SDK1: variants seen among roughly 807,000 people sequenced by gnomAD.
SDK1 encodes the protein protein sidekick-1.
A neutral mutation model predicts 245.5 loss-of-function variants in SDK1; 157 were observed. The ratio of observed to expected loss-of-function variants is 0.64; its 90% CI spans 0.56 to 0.73. The LOEUF (loss-of-function observed/expected upper bound fraction) is 0.73, where lower values mean the gene tolerates loss of function less well. Ranked by LOEUF, SDK1 falls within the 30% of genes least tolerant of loss-of-function variation. SDK1 has a pLI of 0.00. For synonymous variants in SDK1, 1,647 were observed against 1,278.5 expected (o/e 1.29, Z -6.15); for missense variants, 3,583 against 3,002.3 (o/e 1.19, Z -4.52).
chr7:3,882,052 A>G (rs1211327792), intron 5 of SDK1, among the ~76,000 whole-genome samples: 1 of 152,198 alleles, frequency 6.6e-6, no homozygotes, highest in Non-Finnish European at 1.5e-5. Flanking sequence ...CGGAAGGCAA[A>G]AGGCACGTCT....
chr7:4,062,292 C>T (rs545007174), intron 19 of SDK1, among the ~76,000 whole-genome samples: 1 of 151,976 alleles, frequency 6.6e-6, no homozygotes, highest in East Asian at 1.9e-4. Context: ...TAACTGATAC[C>T]ACAGAAATAC....
intron 7 of SDK1, among the ~76,000 whole-genome samples, chr7:3,954,268 CCTCTCCCGCAT>C (rs1487038864): frequency 8.3e-5 from 9 of 108,230 alleles, no homozygotes; most frequent in Non-Finnish European, 1.2e-4. Flanking sequence ...TCTACACCCT[CCTCTCCCGCAT>C]CACCTCTACA....
intron 1 of SDK1, among the ~76,000 whole-genome samples, chr7:3,594,831 A>G (rs1399330128): frequency 6.6e-6 from 1 of 152,204 alleles, no homozygotes; most frequent in Non-Finnish European, 1.5e-5. Flanking sequence ...GGCAAGAGTG[A>G]GGATAGTTTT....
chr7:3,311,096 G>A (rs1346240061), intron 1 of SDK1, among the ~76,000 whole-genome samples: 1 of 152,090 alleles, frequency 6.6e-6, no homozygotes, highest in African/African-American at 2.4e-5. Context: ...AGTAGAGTGG[G>A]GAGTATGGAC....
At chr7:3,392,986 T>TTTTG (rs1781799167) in intron 1 of SDK1, among the ~76,000 whole-genome samples, 1 of 147,990 alleles carries the variant, frequency 6.8e-6, no homozygotes, top group Non-Finnish European at 1.5e-5. Flanking sequence ...TTTTTCTTTT[T>TTTTG]TGAGATGGAG....
chr7:3,686,278 G>C (rs1259174078), intron 4 of SDK1, among the ~76,000 whole-genome samples: 1 of 152,166 alleles, frequency 6.6e-6, no homozygotes, highest in Admixed American at 6.5e-5. Flanking sequence ...GTTTCACCAT[G>C]TTGGTCAGGC....
intron 4 of SDK1, among the ~76,000 whole-genome samples, chr7:3,799,273 A>G (rs575387812): frequency 1.8e-4 from 28 of 152,210 alleles, no homozygotes; most frequent in Non-Finnish European, 1.8e-4. Flanking sequence ...CTGGAAAGAA[A>G]TAGTATCTTT....
chr7:3,629,988 T>C (rs575868178), intron 2 of SDK1, among the ~76,000 whole-genome samples: 3 of 152,296 alleles, frequency 2.0e-5, no homozygotes, highest in African/African-American at 7.2e-5. Flanking sequence ...AAAACTATAA[T>C]GTGTGAGATA....
intron 5 of SDK1, among the ~76,000 whole-genome samples, chr7:3,907,578 C>A (rs186106771): frequency 2.6e-5 from 4 of 152,140 alleles, no homozygotes; most frequent in Non-Finnish European, 5.9e-5. Context: ...AGTGAACATT[C>A]GTGTACAAGT....
chr7:3,344,029 A>C (rs986173116), intron 1 of SDK1, among the ~76,000 whole-genome samples: 2 of 151,832 alleles, frequency 1.3e-5, no homozygotes, highest in East Asian at 1.9e-4. Flanking sequence ...AAAAAAAAAA[A>C]AAAAAAACTA....
In SDK1 at chr7:3,325,905, C is replaced by G. The variant is rs189033307; in HGVS notation, c.298+24021C>G. ...TGACTAGGCTGCCTGAATCAAACAT[C>G]CTCCCCTTTGAGAGGCCTAGGAAAG... On this transcript the variant is annotated intron_variant, in intron 1 of 44. Coordinates refer to ENST00000404826, the MANE Select transcript of SDK1 (RefSeq NM_152744.4). Among the ~76,000 whole-genome samples the G allele has an allele frequency of 8.4e-5, 12 of 143,234 alleles. No individual in the cohort carries two copies. In the South Asian group the frequency reaches 2.7e-3, roughly 32 times the overall value. The allele number at this position is 143,234 out of a possible 152,430, so 94.0% of individuals were successfully genotyped here.
At chr7:3,452,820 A>G (rs1396786702) in intron 1 of SDK1, among the ~76,000 whole-genome samples, 1 of 152,072 alleles carries the variant, frequency 6.6e-6, no homozygotes, top group Admixed American at 6.6e-5. Context: ...ATAAGAGTCC[A>G]ATTCCTCTTC....
chr7:3,528,167 C>G (rs562735502), intron 1 of SDK1, among the ~76,000 whole-genome samples: 1 of 104,648 alleles, frequency 9.6e-6, no homozygotes, highest in African/African-American at 3.7e-5. Flanking sequence ...TGACAGTCAG[C>G]TAGGGGGTGA....
At chr7:3,309,864 G>T (rs1234716248) in intron 1 of SDK1, among the ~76,000 whole-genome samples, 1 of 152,096 alleles carries the variant, frequency 6.6e-6, no homozygotes, top group Non-Finnish European at 1.5e-5. Context: ...CTTTTTCTAA[G>T]CGTGCTGTCT....
intron 1 of SDK1, among the ~76,000 whole-genome samples, chr7:3,536,384 T>A (rs7456503): frequency 5.3e-5 from 8 of 152,006 alleles, no homozygotes; most frequent in South Asian, 4.2e-4. Flanking sequence ...AATAATTTTT[T>A]AAAAAATCTA....
chr7:3,975,433 C>T (rs1365476826), intron 13 of SDK1, among the ~76,000 whole-genome samples: 2 of 152,130 alleles, frequency 1.3e-5, no homozygotes, highest in East Asian at 1.9e-4. Context: ...CTGGACCCTG[C>T]CCCCTTTGAT....
At chr7:4,203,933 C>CT (rs1784040869) in intron 35 of SDK1, among the ~76,000 whole-genome samples, 1 of 152,262 alleles carries the variant, frequency 6.6e-6, no homozygotes, top group Admixed American at 6.5e-5. Context: ...GGTCATGGGC[C>CT]TTTGCCCAGC....
intron 5 of SDK1, 88 bp from the exon 6 acceptor site, chr7:3,950,835 G>C (rs527982097): frequency 3.4e-4 from 321 of 946,024 alleles, no homozygotes; most frequent in Admixed American, 5.0e-4. Context: ...GGTATCCCCG[G>C]GGGTCTTGGA....
At chr7:3,803,499 AG>A (rs1214078195) in intron 4 of SDK1, among the ~76,000 whole-genome samples, 1 of 151,370 alleles carries the variant, frequency 6.6e-6, no homozygotes, top group Non-Finnish European at 1.5e-5. Flanking sequence ...TTAGTAGAGA[AG>A]GGGTTTCACC....
Sources: gnomAD v4.1 joint callset for allele counts (sites outside exome capture counted in the v4.1 genomes callset) on GRCh38, gnomAD v4.1.1 for gene constraint, MANE v1.5 for transcripts, NCBI Gene and HGNC (gene_info 2026-07-23, HGNC 2026-07-21) for gene names.